The following CNTNAP5 variants were observed in gnomAD, a reference collection of about 807,000 sequenced individuals.
CNTNAP5 encodes the protein contactin associated protein family member 5.
In CNTNAP5, 72 loss-of-function variants were observed where a neutral mutation model predicts 150.2. That is an observed-to-expected ratio of 0.48 (90% CI 0.40 to 0.58). The LOEUF is 0.58. Among genes scored for constraint, CNTNAP5 ranks in the 20% least tolerant of loss-of-function variants. CNTNAP5 has a pLI of 0.00. For missense variants in CNTNAP5, 1,636 were observed against 1,626.2 expected, an observed-to-expected ratio of 1.01 and a Z score of -0.10; for synonymous variants, 672 against 619.8, an observed-to-expected ratio of 1.08 and a Z score of -1.25.
intron 1 of CNTNAP5, among the ~76,000 whole-genome samples, chr2:124,174,110 GAAA>G (rs3063417): frequency 4.9e-5 from 7 of 142,976 alleles, no homozygotes; most frequent in Non-Finnish European, 3.0e-5. Context: ...TACTGCTCAG[GAAA>G]AAAAAAAAAA....
chr2:124,821,638 C>T (rs1357944529), intron 19 of CNTNAP5, among the ~76,000 whole-genome samples: 5 of 152,106 alleles, frequency 3.3e-5, no homozygotes, highest in Non-Finnish European at 2.9e-5. Context: ...AAGTGAACAG[C>T]GACTTCAGTG....
At chr2:124,656,042 C>G (rs1272077937) in intron 13 of CNTNAP5, among the ~76,000 whole-genome samples, 1 of 133,664 alleles carries the variant, frequency 7.5e-6, no homozygotes, top group Non-Finnish European at 1.6e-5. Context: ...ACCTTGGTGA[C>G]AGAATAAGAC....
At position 124,381,903 on chromosome 2, in the gene CNTNAP5, T is replaced by G. The variant is rs779532500; in HGVS notation, c.382-35540T>G. ...ATTAAAAACAAGAAGGGAAGAGGCGTGAAGCAAACTGAGAGAGACAGTGAA... is the reference window on the plus strand; with the variant it reads ...ATTAAAAACAAGAAGGGAAGAGGCGGGAAGCAAACTGAGAGAGACAGTGAA... On this transcript the variant is annotated intron_variant, in intron 3 of 23. Transcript: ENST00000682447. 5.3e-5 allele frequency among the ~76,000 whole-genome samples: 8 copies of G among 151,848 alleles called. No homozygotes were observed. The East Asian group carries it at 1.4e-3, about 26-fold the overall frequency.
intron 11 of CNTNAP5, among the ~76,000 whole-genome samples, chr2:124,604,221 G>A (rs1269414288): frequency 2.0e-5 from 3 of 152,038 alleles, no homozygotes; most frequent in Non-Finnish European, 2.9e-5. Context: ...TTATCTGTTT[G>A]CATTTTATAT....
At chr2:124,848,310 T>C (rs960534403) in intron 19 of CNTNAP5, among the ~76,000 whole-genome samples, 1 of 152,212 alleles carries the variant, frequency 6.6e-6, no homozygotes, top group Non-Finnish European at 1.5e-5. Context: ...TCACTTTGCA[T>C]TATGTCTTCC....
intron 1 of CNTNAP5, among the ~76,000 whole-genome samples, chr2:124,174,130 C>T (rs1428731698): frequency 7.0e-6 from 1 of 142,780 alleles, no homozygotes; most frequent in Admixed American, 7.0e-5. Context: ...AAAAAAGATT[C>T]ATTTCAAAAT....
intron 3 of CNTNAP5, among the ~76,000 whole-genome samples, chr2:124,256,492 G>A (rs1167507035): frequency 6.6e-6 from 1 of 151,912 alleles, no homozygotes; most frequent in East Asian, 1.9e-4. Flanking sequence ...CCATCTTTAG[G>A]AACATACATG....
chr2:124,682,433 TA>T (rs1287161456), intron 13 of CNTNAP5, among the ~76,000 whole-genome samples: 4 of 152,328 alleles, frequency 2.6e-5, no homozygotes, highest in African/African-American at 9.6e-5. Flanking sequence ...AACATGACTT[TA>T]AACAAAGTGT....
chr2:124,316,238 C>T (rs1688956700), intron 3 of CNTNAP5, among the ~76,000 whole-genome samples: 1 of 152,026 alleles, frequency 6.6e-6, no homozygotes, highest in Admixed American at 6.6e-5. Flanking sequence ...GGTTAGTAGC[C>T]CTGGAGTGGG....
At chr2:124,870,567 C>T (rs114490305) in intron 21 of CNTNAP5, among the ~76,000 whole-genome samples, 1,689 of 152,168 alleles carry the variant, frequency 0.011, 39 homozygotes, top group African/African-American at 0.038. Context: ...TTCTGCTACC[C>T]GATTTCCTAT....
At chr2:124,405,538 T>A (rs571127303) in intron 3 of CNTNAP5, among the ~76,000 whole-genome samples, 1 of 152,320 alleles carries the variant, frequency 6.6e-6, no homozygotes, top group African/African-American at 2.4e-5. Context: ...CAACTTCTGA[T>A]AATTTTTTTT....
intron 1 of CNTNAP5, among the ~76,000 whole-genome samples, chr2:124,036,171 G>A (rs558108059): frequency 6.6e-5 from 10 of 151,606 alleles, no homozygotes; most frequent in African/African-American, 1.5e-4. Flanking sequence ...TGATCCACCC[G>A]CCTCGGCCTC....
chr2:124,260,397 C>T (rs1687423424), intron 3 of CNTNAP5, among the ~76,000 whole-genome samples: 1 of 152,112 alleles, frequency 6.6e-6, no homozygotes, highest in African/African-American at 2.4e-5. Context: ...AATGTTAGAC[C>T]TAAAACCATA....
At chr2:124,706,901 A>AGGAAGAGGAAGAAGAAGG (rs1558743239) in intron 13 of CNTNAP5, among the ~76,000 whole-genome samples, 1 of 7,920 alleles carries the variant, frequency 1.3e-4, no homozygotes, top group Non-Finnish European at 2.3e-4. Flanking sequence ...GAGGAAGAAG[A>AGGAAGAGGAAGAAGAAGG]AGGAGGAGGA....
intron 7 of CNTNAP5, among the ~76,000 whole-genome samples, chr2:124,479,863 G>A (rs891660685): frequency 4.6e-5 from 7 of 152,084 alleles, no homozygotes; most frequent in African/African-American, 1.7e-4. Context: ...CGAAACTTCA[G>A]TACCCTCATA....
intron 3 of CNTNAP5, among the ~76,000 whole-genome samples, chr2:124,356,294 G>A (rs1006409880): frequency 2.7e-5 from 4 of 150,284 alleles, no homozygotes; most frequent in Non-Finnish European, 4.4e-5. Context: ...TGGATCCATA[G>A]AACCTCAACA....
At chr2:124,112,497 A>C (rs2104707118) in intron 1 of CNTNAP5, among the ~76,000 whole-genome samples, 1 of 152,308 alleles carries the variant, frequency 6.6e-6, no homozygotes, top group Non-Finnish European at 1.5e-5. Context: ...TCACACAGTT[A>C]GACATAGACT....
intron 5 of CNTNAP5, among the ~76,000 whole-genome samples, chr2:124,442,452 C>T (rs577039930): frequency 6.6e-6 from 1 of 152,314 alleles, no homozygotes; most frequent in South Asian, 2.1e-4. Flanking sequence ...ATCTATTTCA[C>T]TAAATAAGGC....
At chr2:124,385,005 C>T (rs1690893399) in intron 3 of CNTNAP5, among the ~76,000 whole-genome samples, 1 of 152,142 alleles carries the variant, frequency 6.6e-6, no homozygotes, top group Non-Finnish European at 1.5e-5. Flanking sequence ...TTGTGTATTC[C>T]CACAGCAGCA....
Sources: gnomAD v4.1 joint callset for allele counts (sites outside exome capture counted in the v4.1 genomes callset) on GRCh38, gnomAD v4.1.1 for gene constraint, MANE v1.5 for transcripts, NCBI Gene and HGNC (gene_info 2026-07-23, HGNC 2026-07-21) for gene names.